Variants in PON1 observed in about 807,000 individuals in gnomAD.
PON1 encodes paraoxonase 1, also known as serum paraoxonase/arylesterase 1.
Under a neutral mutation model 39.2 loss-of-function variants are expected in PON1, and 37 were observed. The observed-to-expected ratio is 0.94, with a 90% CI of 0.73 to 1.24. The LOEUF (loss-of-function observed/expected upper bound fraction) is 1.24, where lower values mean the gene tolerates loss of function less well. PON1 is among the 50% of genes most tolerant of loss of function. PON1 has a pLI of 0.00. For missense variants in PON1, 397 were observed against 413.5 expected (o/e 0.96, Z 0.35); for synonymous variants, 148 against 152.2 (o/e 0.97, Z 0.21).
rs1807300039 is a variant in PON1, at chr7:95,297,783, T to G, written c.*1161A>C. Reference sequence around the variant, plus strand: ...CTCCAGCCTGGGCAACAGAGTGAGATTCGGTCTCAAAAACAAAACAAAAAC... The same window carrying G: ...CTCCAGCCTGGGCAACAGAGTGAGAGTCGGTCTCAAAAACAAAACAAAAAC... On this transcript the variant is annotated 3_prime_UTR_variant, in exon 9 of 9. Transcript: ENST00000222381. 6.6e-6 allele frequency: 1 copy of G among 152,068 alleles called. No individual in the cohort carries two copies. Among genetic ancestry groups the G allele is most frequent in the Non-Finnish European group, 1.5e-5 (1 of 68,012 alleles). The allele number at this position is 152,068 out of a possible 1,614,324, so 9.4% of individuals were successfully genotyped here.
chr7:95,299,985 A>G (rs1807385260), intron 8 of PON1, among the ~76,000 whole-genome samples: 1 of 151,974 alleles, frequency 6.6e-6, no homozygotes, highest in Admixed American at 6.6e-5. Flanking sequence ...TGCAGACAAG[A>G]AAAAAAATGT....
rs1167729059 is a variant in PON1 at position 95,308,214 on chromosome 7, G to T, written c.498-3C>A. 6.2e-7 allele frequency: 1 copy of T among 1,612,456 alleles called. No homozygotes were observed. The highest frequency in any genetic ancestry group is 1.7e-5 in the Admixed American group (1 of 59,988). ...CCACAGCAACAATATCATTCAAACT[G>T]CAATTAAAACATACACACATAATAT... On this transcript the variant is annotated splice_polypyrimidine_tract_variant and splice_region_variant and intron_variant, in intron 5 of 8. Transcript: ENST00000222381.
intron 4 of PON1, among the ~76,000 whole-genome samples, chr7:95,314,994 C>A (rs1248003091): frequency 2.0e-5 from 3 of 152,058 alleles, no homozygotes; most frequent in Non-Finnish European, 2.9e-5. Context: ...CCTGTAAATG[C>A]CCGAGTCTTG....
intron 4 of PON1, among the ~76,000 whole-genome samples, chr7:95,311,800 C>A (rs1807661372): frequency 6.6e-6 from 1 of 152,016 alleles, no homozygotes; most frequent in African/African-American, 2.4e-5. Flanking sequence ...CAAAACTCCA[C>A]AGGAGAAAAA....
At position 95,306,329 on chromosome 7, in the gene PON1, G is replaced by A. The variant is rs753947057; in HGVS notation, c.736C>T (p.His246Tyr). 1 of 1,612,912 alleles carries A rather than the reference G, an allele frequency of 6.2e-7. No individual in the cohort carries two copies. Among genetic ancestry groups the A allele is most frequent in the South Asian group, 1.1e-5 (1 of 91,054 alleles). The change falls in exon 7 of 9, where the codon CAT (histidine) becomes TAT (tyrosine). Residue 246 changes from histidine (H) to tyrosine (Y), a missense_variant. Coordinates refer to ENST00000222381, the MANE Select transcript of PON1 (RefSeq NM_000446.7). Reference sequence around the variant, plus strand: ...CAATTAGCATGCTTTTCATACACATGAATCTTATGAGCCAGCAACTCAGCT... The same window carrying A: ...CAATTAGCATGCTTTTCATACACATAAATCTTATGAGCCAGCAACTCAGCT... ...YIAELLAHKI[H>Y]VYEKHANWTL...
chr7:95,311,774 A>G (rs1345851637), intron 4 of PON1, among the ~76,000 whole-genome samples, 197 bp from the exon 5 acceptor site: 1 of 152,202 alleles, frequency 6.6e-6, no homozygotes, highest in Non-Finnish European at 1.5e-5. Flanking sequence ...AGAACCAGTG[A>G]CAGTCTCTGA....
rs567129217 is a variant in PON1, at chr7:95,298,542, C to T, written c.*402G>A. On this transcript the variant is annotated 3_prime_UTR_variant, in exon 9 of 9. Transcript: ENST00000222381. ...GGTGAGTACTGGAGTTCTAAAGACA[C>T]GTGAGCTAACCCTGCTCCCCTGTGT... is the stretch of plus-strand genomic sequence containing the variant. The T allele has an allele frequency of 5.2e-5, 17 of 328,518 alleles. No homozygotes were observed. In the East Asian group the frequency reaches 6.8e-4, roughly 13 times the overall value. 20.4% of individuals were successfully genotyped at this position (328,518 alleles called of 1,614,324 possible). A position where few individuals can be genotyped will look rare whatever the true frequency, so the allele number is the denominator to read the frequency against.
At chr7:95,308,295 A>G (rs921194093) in intron 5 of PON1, 84 bp from the exon 6 acceptor site, 19 of 1,303,304 alleles carry the variant, frequency 1.5e-5, no homozygotes, top group Non-Finnish European at 1.6e-5. Flanking sequence ...CTCACTGTCT[A>G]TTCCTAAAAT....
At chr7:95,302,109 AAAAAAAAAAAAAC>A in intron 8 of PON1, 83 bp downstream of exon 8, 55 of 825,430 alleles carry the variant, frequency 6.7e-5, no homozygotes, top group East Asian at 4.3e-4. Flanking sequence ...AAAAAAAAAA[AAAAAAAAAAAAAC>A]CAAGAATTGA....
intron 1 of PON1, among the ~76,000 whole-genome samples, chr7:95,318,895 G>A (rs1585700945): frequency 6.6e-6 from 1 of 152,116 alleles, no homozygotes; most frequent in African/African-American, 2.4e-5. Context: ...CATACACAAG[G>A]CCTGCATGTA....
At chr7:95,319,887 C>A (rs1807857642) in intron 1 of PON1, among the ~76,000 whole-genome samples, 1 of 152,140 alleles carries the variant, frequency 6.6e-6, no homozygotes, top group Non-Finnish European at 1.5e-5. Context: ...CAATACTCAT[C>A]CTAATCTGTG....
At chr7:95,312,185 TTTTTG>T (rs3917520) in intron 4 of PON1, among the ~76,000 whole-genome samples, 1 of 151,968 alleles carries the variant, frequency 6.6e-6, no homozygotes, top group East Asian at 1.9e-4. Flanking sequence ...CAAATTGGCG[TTTTTG>T]TTTTGTTTTG....
chr7:95,306,151 ACT>A, intron 7 of PON1, 132 bp downstream of exon 7: 1 of 756,116 alleles, frequency 1.3e-6, no homozygotes, highest in South Asian at 1.5e-5. Context: ...CAAGCTAATG[ACT>A]CTTAATAAAG....
At chr7:95,302,150 GA>G in intron 8 of PON1, 54 bp downstream of exon 8, 3 of 947,226 alleles carry the variant, frequency 3.2e-6, no homozygotes, top group Non-Finnish European at 4.7e-6. Context: ...GTTGTCAACT[GA>G]AAAAACAGTA....
rs3917525 is a variant in PON1, at chr7:95,311,166, TG to T, written c.497+284del. On this transcript the variant is annotated intron_variant, in intron 5 of 8. Coordinates refer to ENST00000222381, the MANE Select transcript of PON1 (RefSeq NM_000446.7). ...CGGTTTGGGTTTGAAATACTAAGTC[TG>T]GTTCTGAAGAAGAGGATTTTTTTCC... Among the ~76,000 whole-genome samples the T allele has an allele frequency of 0.28, 42,135 of 151,974 alleles. 6,164 individuals carry two copies. The highest frequency in any genetic ancestry group is 0.5 in the East Asian group (2,603 of 5,156).
chr7:95,301,261 G>T (rs1807414769), intron 8 of PON1, among the ~76,000 whole-genome samples: 1 of 152,162 alleles, frequency 6.6e-6, no homozygotes, highest in Non-Finnish European at 1.5e-5. Flanking sequence ...GGACCTTTGA[G>T]TACTGTAACT....
intron 2 of PON1, among the ~76,000 whole-genome samples, chr7:95,317,953 G>A (rs746967076): frequency 6.6e-6 from 1 of 152,104 alleles, no homozygotes; most frequent in Non-Finnish European, 1.5e-5. Context: ...GCAAAGTCCT[G>A]TCAGAGCCTT....
chr7:95,299,259 A>T (rs1185530202), intron 8 of PON1, among the ~76,000 whole-genome samples, 157 bp from the exon 9 acceptor site: 1 of 152,146 alleles, frequency 6.6e-6, no homozygotes, highest in Non-Finnish European at 1.5e-5. Context: ...CTGTTTCTTC[A>T]TTTGGGAACA....
Position 95,313,618 on chromosome 7 carries a change from A to ATGTATG in PON1, c.370+1703_370+1704insCATACA, listed in dbSNP as rs374185817. ...TCCATTGAAAGGGATATATATGTAT[A>ATGTATG]TGTGTGTGTGTGTGTGTGTGTGTGT... On this transcript the variant is annotated intron_variant, in intron 4 of 8. Coordinates refer to ENST00000222381, the MANE Select transcript of PON1 (RefSeq NM_000446.7). 8.9e-3 allele frequency among the ~76,000 whole-genome samples: 1,313 copies of ATGTATG among 147,284 alleles called. 14 individuals are homozygous for ATGTATG. Among genetic ancestry groups the ATGTATG allele is most frequent in the African/African-American group, 0.024 (948 of 39,384 alleles).
Sources: allele counts gnomAD v4.1 joint callset (sites outside exome capture counted in the v4.1 genomes callset), GRCh38; gene constraint gnomAD v4.1.1; transcripts MANE v1.5; gene names NCBI Gene and HGNC (gene_info 2026-07-23, HGNC 2026-07-21).